Variants in LAMB4 observed in about 807,000 individuals in gnomAD.
LAMB4 encodes laminin subunit beta 4.
LAMB4 carries 196 observed loss-of-function variants against 199.2 expected under a neutral mutation model. That is an observed-to-expected ratio of 0.98 (90% CI 0.88 to 1.11). LAMB4 has a LOEUF of 1.11. Among genes scored for constraint, LAMB4 ranks in the 50% least tolerant of loss-of-function variants. The probability of loss-of-function intolerance (pLI) is 0.00; values close to 1 mark genes in which losing one functional copy is unlikely to be tolerated. For missense variants in LAMB4, 2,080 were observed against 2,171.2 expected (o/e 0.96, Z 0.83); for synonymous variants, 744 against 770.6 (o/e 0.97, Z 0.57).
At chr7:108,061,276 A>G (rs1329947076) in intron 23 of LAMB4, among the ~76,000 whole-genome samples, 2 of 152,220 alleles carry the variant, frequency 1.3e-5, no homozygotes, top group East Asian at 3.8e-4. Flanking sequence ...AGGAAATCTG[A>G]CTAAATTTGT....
At chr7:108,073,277 A>T (rs2036594730) in intron 17 of LAMB4, among the ~76,000 whole-genome samples, 1 of 152,218 alleles carries the variant, frequency 6.6e-6, no homozygotes, top group Non-Finnish European at 1.5e-5. Context: ...AAGTGCTGGG[A>T]TTACAGGCGT....
intron 10 of LAMB4, among the ~76,000 whole-genome samples, chr7:108,099,889 T>G (rs1203213029): frequency 6.6e-6 from 1 of 152,240 alleles, no homozygotes; most frequent in African/African-American, 2.4e-5. Flanking sequence ...TTACTTGTTA[T>G]TGTTTTGTGA....
chr7:108,048,007 G>A lies in LAMB4; in HGVS notation c.4227C>T (p.His1409=), dbSNP rs761770495. 3 of 1,614,132 alleles carry A rather than the reference G, an allele frequency of 1.9e-6. No homozygotes were observed. The highest frequency in any genetic ancestry group is 1.6e-4 in the Middle Eastern group (1 of 6,062). Residue 1409 remains histidine (H), a synonymous_variant, in exon 28 of 34, where the codon CAC becomes CAT. Coordinates refer to ENST00000388781, the MANE Select transcript of LAMB4 (RefSeq NM_007356.3). ...GHRKCRGPGC[H]GSLTLSTNAL... ...CATTCGTTGAGAGGGTCAGGGAGCC[G>A]TGACAGCCGGGACCCCTACACTTCC...
At chr7:108,072,311 T>C (rs10268853) in intron 17 of LAMB4, among the ~76,000 whole-genome samples, 24,256 of 152,130 alleles carry the variant, frequency 0.16, 3,277 homozygotes, top group African/African-American at 0.37. Context: ...TACTTCATTG[T>C]GTCTTCTGGT....
intron 9 of LAMB4, 99 bp from the exon 10 acceptor site, chr7:108,103,331 C>T (rs1350465121): frequency 5.2e-6 from 5 of 969,484 alleles, no homozygotes; most frequent in East Asian, 5.3e-5. Context: ...CCTCCTTGTC[C>T]TCCTGCCATT....
rs1019483861 is a variant in LAMB4 at position 108,106,155 on chromosome 7, C to A, written c.656-124G>T. 10 of 785,032 alleles carry A rather than the reference C, an allele frequency of 1.3e-5. No individual in the cohort carries two copies. In the African/African-American group the frequency reaches 1.7e-4, roughly 14 times the overall value. 48.6% of individuals were successfully genotyped at this position (785,032 alleles called of 1,614,324 possible). On this transcript the variant is annotated intron_variant, in intron 7 of 33. Transcript: ENST00000388781. The stretch of plus-strand genomic sequence containing the variant: ...ATTACAGGCCCGGTGTAGTGGCTTG[C>A]GCCTGTAATCCCAGCACTTTGGGTG...
At chr7:108,016,155 T>A in the LAMB4 span, among the ~76,000 whole-genome samples, 1 of 152,062 alleles carries the variant, frequency 6.6e-6, no homozygotes, top group Non-Finnish European at 1.5e-5. Context: ...ACATTTCCCA[T>A]CACACCTGCC....
intron 17 of LAMB4, among the ~76,000 whole-genome samples, chr7:108,072,864 G>A (rs533001191): frequency 6.6e-6 from 1 of 152,338 alleles, no homozygotes; most frequent in South Asian, 2.1e-4. Flanking sequence ...AGTGGGGAGA[G>A]ATGAAAAAGA....
chr7:108,018,726 G>A (rs71566747), downstream of LAMB4, among the ~76,000 whole-genome samples: 20,016 of 152,024 alleles, frequency 0.13, 1,588 homozygotes, highest in East Asian at 0.19. Context: ...CAAAAAAGAG[G>A]CCCTCCTACA....
At chr7:108,105,185 C>T (rs1422965463) in intron 8 of LAMB4, among the ~76,000 whole-genome samples, 2 of 152,176 alleles carry the variant, frequency 1.3e-5, no homozygotes, top group South Asian at 2.1e-4. Context: ...TTAGTAGACA[C>T]ACTCCCTGGG....
Position 108,066,255 on chromosome 7 carries a change from C to G in LAMB4, c.2678+114G>C, listed in dbSNP as rs375176561. The G allele has an allele frequency of 1.8e-5, 14 of 785,502 alleles. No individual in the cohort carries two copies. The African/African-American group carries it at 2.1e-4, about 12-fold the overall frequency. The allele number at this position is 785,502 out of a possible 1,614,324, so 48.7% of individuals were successfully genotyped here. On this transcript the variant is annotated intron_variant, in intron 20 of 33. Coordinates refer to ENST00000388781, the MANE Select transcript of LAMB4 (RefSeq NM_007356.3). ...AAGCAATGCTCTCCCCGACCTATAACAGTCCTCCCTCCCACACTTAAATAT... is the reference window on the plus strand; with the variant it reads ...AAGCAATGCTCTCCCCGACCTATAAGAGTCCTCCCTCCCACACTTAAATAT...
intron 3 of LAMB4, among the ~76,000 whole-genome samples, chr7:108,113,896 C>T (rs545612994): frequency 9.2e-5 from 14 of 152,238 alleles, no homozygotes; most frequent in African/African-American, 2.6e-4. Flanking sequence ...GACCAGTGGT[C>T]GTAGCCCCTT....
chr7:108,030,749 T>G, intron 32 of LAMB4, 57 bp downstream of exon 32: 4 of 1,542,840 alleles, frequency 2.6e-6, no homozygotes, highest in South Asian at 2.3e-5. Flanking sequence ...GTTAAAGAAC[T>G]ATCTTTCAAA....
At chr7:108,057,425 T>C (rs1026288234) in intron 24 of LAMB4, among the ~76,000 whole-genome samples, 13 of 152,244 alleles carry the variant, frequency 8.5e-5, no homozygotes, top group African/African-American at 3.1e-4. Flanking sequence ...GAATGAGCAA[T>C]ATTTTTTAGC....
At chr7:108,053,953 G>A (rs1360554147) in intron 25 of LAMB4, among the ~76,000 whole-genome samples, 1 of 152,208 alleles carries the variant, frequency 6.6e-6, no homozygotes, top group Non-Finnish European at 1.5e-5. Flanking sequence ...AAATATGGAT[G>A]TCTGACATCT....
At chr7:108,059,628 A>C (rs1018632187) in intron 23 of LAMB4, among the ~76,000 whole-genome samples, 5 of 152,154 alleles carry the variant, frequency 3.3e-5, no homozygotes, top group Non-Finnish European at 5.9e-5. Flanking sequence ...TGGGACAGTA[A>C]CTGCCCTTAA....
chr7:108,042,773 A>C (rs2035463834), intron 29 of LAMB4, among the ~76,000 whole-genome samples: 1 of 152,204 alleles, frequency 6.6e-6, no homozygotes, highest in African/African-American at 2.4e-5. Flanking sequence ...AACCTTGGCC[A>C]CAGGGGTCTC....
At position 108,105,941 on chromosome 7, in the gene LAMB4, A is replaced by T. The variant is rs1255164978; in HGVS notation, c.746T>A (p.Leu249His). 1 of 1,614,220 alleles carries T rather than the reference A, an allele frequency of 6.2e-7. No individual in the cohort carries two copies. Among genetic ancestry groups the T allele is most frequent in the South Asian group, 1.1e-5 (1 of 91,082 alleles). ...GTACAGAGCATAGTAGTATTTATCA[A>T]GGGAATCATTTTGCCTCCTTCCAAG... Reference protein sequence around the residue: ...ALLGRRQNDSLDKYYYALYEM... With the variant: ...ALLGRRQNDSHDKYYYALYEM... The change falls in exon 8 of 34, where the codon CTT becomes CAT. Residue 249 changes from leucine to histidine, a missense_variant. Leu to His is a moderately conservative substitution (Grantham distance 99, BLOSUM62 -3). Transcript: ENST00000388781.
intron 29 of LAMB4, among the ~76,000 whole-genome samples, chr7:108,037,882 C>T (rs2035285833): frequency 6.6e-6 from 1 of 152,132 alleles, no homozygotes; most frequent in Non-Finnish European, 1.5e-5. Flanking sequence ...TACAAAATGT[C>T]CTGAGAATGA....
Sources: allele counts gnomAD v4.1 joint callset (sites outside exome capture counted in the v4.1 genomes callset), GRCh38; gene constraint gnomAD v4.1.1; transcripts MANE v1.5; gene names NCBI Gene and HGNC (gene_info 2026-07-23, HGNC 2026-07-21).